PDX1: variants seen among roughly 807,000 people sequenced by gnomAD.
The protein encoded by PDX1 is pancreatic and duodenal homeobox 1.
In PDX1, 7 loss-of-function variants were observed where a neutral mutation model predicts 11.1. The ratio of observed to expected loss-of-function variants is 0.63; its 90% CI spans 0.36 to 1.19. The LOEUF (loss-of-function observed/expected upper bound fraction) is 1.19. PDX1 is among the 50% of genes most tolerant of loss of function. The pLI, the probability that PDX1 is intolerant of heterozygous loss-of-function variation, is 0.02. For synonymous variants in PDX1, 232 were observed against 196.2 expected, an observed-to-expected ratio of 1.18 and a Z score of -1.53; for missense variants, 449 against 412.1, an observed-to-expected ratio of 1.09 and a Z score of -0.78.
At chr13:27,921,491 T>C (rs1957787136) in intron 1 of PDX1, among the ~76,000 whole-genome samples, 1 of 152,266 alleles carries the variant, frequency 6.6e-6, no homozygotes, top group African/African-American at 2.4e-5. Flanking sequence ...CTACTCACTG[T>C]CATCGCTGCC....
At position 27,920,378 on chromosome 13, in the gene PDX1, G is replaced by A; in HGVS notation, c.240G>A (p.Ala80=). The change falls in exon 1 of 2, where the codon GCG becomes GCA. Residue 80 remains alanine (A), a synonymous_variant. Coordinates refer to ENST00000381033, the MANE Select transcript of PDX1 (RefSeq NM_000209.4). The part of the protein sequence containing the change: ...VPPLADDPAV[A]HLHHHLPAQL... ...CCCTCGCCGACGACCCCGCGGTGGCGCACCTTCACCACCACCTCCCGGCTC... is the reference window on the plus strand; with the variant it reads ...CCCTCGCCGACGACCCCGCGGTGGCACACCTTCACCACCACCTCCCGGCTC... 6.5e-7 allele frequency: 1 copy of A among 1,547,206 alleles called. No individual in the cohort carries two copies. Among genetic ancestry groups the A allele is most frequent in the Admixed American group, 2.0e-5 (1 of 50,950 alleles).
chr13:27,921,961 C>T (rs1174312802), intron 1 of PDX1, among the ~76,000 whole-genome samples: 1 of 152,190 alleles, frequency 6.6e-6, no homozygotes. Flanking sequence ...GACAGTCCCT[C>T]GAACAAAGGT....
At position 27,924,810 on chromosome 13, in the gene PDX1, C is replaced by G. The variant is rs1335273869; in HGVS notation, c.*109C>G. On this transcript the variant is annotated 3_prime_UTR_variant, in exon 2 of 2. Transcript: ENST00000381033. The surrounding 1 kb of genome is among the most constrained non-coding windows in gnomAD (Gnocchi z 4.8). Reference sequence around the variant, plus strand: ...CACCCGCCCTGGCAGTTGAATGGGGCGGCAATTGCGGGGCCCACCTTAGAC... The same window carrying G: ...CACCCGCCCTGGCAGTTGAATGGGGGGGCAATTGCGGGGCCCACCTTAGAC... 1.1e-5 allele frequency: 10 copies of G among 895,838 alleles called. No individual in the cohort carries two copies. Among genetic ancestry groups the G allele is most frequent in the Non-Finnish European group, 1.5e-5 (10 of 664,118 alleles). 55.5% of individuals were successfully genotyped at this position (895,838 alleles called of 1,614,324 possible).
chr13:27,924,972 G>A lies in PDX1; in HGVS notation c.*271G>A, dbSNP rs1210390589. 5.1e-6 allele frequency: 2 copies of A among 390,690 alleles called. No individual in the cohort carries two copies. The highest frequency in any genetic ancestry group is 8.9e-6 in the Non-Finnish European group (2 of 223,522). The allele number at this position is 390,690 out of a possible 1,614,324, so 24.2% of individuals were successfully genotyped here. A position where few individuals can be genotyped will look rare whatever the true frequency, so the allele number is the denominator to read the frequency against. On this transcript the variant is annotated 3_prime_UTR_variant, in exon 2 of 2. Transcript: ENST00000381033. The surrounding 1 kb of genome is among the most constrained non-coding windows in gnomAD (Gnocchi z 4.8). ...CCTCTTTTAGTGATACTGGATTGGC[G>A]TTGTTTGTGGCTGTTGCGCACATCC...
chr13:27,923,556 G>C (rs1158222803), intron 1 of PDX1, among the ~76,000 whole-genome samples: 2 of 152,226 alleles, frequency 1.3e-5, no homozygotes, highest in African/African-American at 4.8e-5. Context: ...TAACTATAGA[G>C]AGAGGAAACA....
In PDX1 at chr13:27,926,159, G is replaced by C. The variant is rs970668964; in HGVS notation, c.*1458G>C. 6.6e-6 allele frequency: 1 copy of C among 152,160 alleles called. No individual in the cohort carries two copies. The highest frequency in any genetic ancestry group is 2.4e-5 in the African/African-American group (1 of 41,424). 9.4% of individuals were successfully genotyped at this position (152,160 alleles called of 1,614,324 possible). ...AGGTCTGTCTTCTTTTCAAGGTCTG[G>C]GCCTTGTGCTCGGGTTATGTTTGTG... On this transcript the variant is annotated 3_prime_UTR_variant, in exon 2 of 2. Coordinates refer to ENST00000381033, the MANE Select transcript of PDX1 (RefSeq NM_000209.4).
At chr13:27,921,378 G>A (rs12869448) in intron 1 of PDX1, among the ~76,000 whole-genome samples, 1 of 152,260 alleles carries the variant, frequency 6.6e-6, no homozygotes, top group Non-Finnish European at 1.5e-5. Flanking sequence ...GCAGAGAACA[G>A]AAGGTCTTTC....
chr13:27,924,302 G>A lies in PDX1; in HGVS notation c.453G>A (p.Thr151=), dbSNP rs1282150897. 1.1e-5 allele frequency: 17 copies of A among 1,610,618 alleles called. No individual in the cohort carries two copies. Among genetic ancestry groups the A allele is most frequent in the African/African-American group, 1.3e-5 (1 of 74,938 alleles). The change falls in exon 2 of 2, where the codon ACG becomes ACA. Residue 151 remains threonine, a synonymous_variant. Transcript: ENST00000381033. This position sits in a 1 kb window ranked among gnomAD's most constrained non-coding sequence, Gnocchi z 4.8. ...AEPEENKRTR[T]AYTRAQLLEL... ...CGGAGGAGAACAAGCGGACGCGCAC[G>A]GCCTACACGCGCGCACAGCTGCTAG... is the stretch of plus-strand genomic sequence containing the variant.
Position 27,924,884 on chromosome 13 carries a change from G to A in PDX1, c.*183G>A. 1 of 476,808 alleles carries A rather than the reference G, an allele frequency of 2.1e-6. No homozygotes were observed. Among genetic ancestry groups the A allele is most frequent in the African/African-American group, 2.0e-5 (1 of 49,238 alleles). 29.5% of individuals were successfully genotyped at this position (476,808 alleles called of 1,614,324 possible). On this transcript the variant is annotated 3_prime_UTR_variant, in exon 2 of 2. Coordinates refer to ENST00000381033, the MANE Select transcript of PDX1 (RefSeq NM_000209.4). This position sits in a 1 kb window ranked among gnomAD's most constrained non-coding sequence, Gnocchi z 4.8. ...AGGCGCATGTGCCAGTTGGGGCCCC[G>A]CGGGTAGATGCCGGCAGGCCTTCCG...
At chr13:27,922,322 T>C (rs1438846496) in intron 1 of PDX1, among the ~76,000 whole-genome samples, 1 of 152,030 alleles carries the variant, frequency 6.6e-6, no homozygotes, top group Non-Finnish European at 1.5e-5. Flanking sequence ...TCTAACCCGC[T>C]GCATGCTCGA....
At chr13:27,921,459 G>C (rs1957786787) in intron 1 of PDX1, among the ~76,000 whole-genome samples, 1 of 152,244 alleles carries the variant, frequency 6.6e-6, no homozygotes, top group African/African-American at 2.4e-5. Flanking sequence ...GGCAAGTTCC[G>C]GCGCGGCCTG....
chr13:27,922,105 T>G (rs1767690731), intron 1 of PDX1, among the ~76,000 whole-genome samples: 1 of 152,138 alleles, frequency 6.6e-6, no homozygotes, highest in African/African-American at 2.4e-5. Context: ...GACATCAGGG[T>G]CCCGAAAGAG....
chr13:27,923,861 G>A (rs983272480), intron 1 of PDX1, among the ~76,000 whole-genome samples: 2 of 151,974 alleles, frequency 1.3e-5, no homozygotes, highest in African/African-American at 4.8e-5. Context: ...GTTTTTTTTA[G>A]CCCTGGATTA....
At position 27,924,040 on chromosome 13, in the gene PDX1, T is replaced by C. The variant is rs562989943; in HGVS notation, c.407-216T>C. 1.3e-5 allele frequency among the ~76,000 whole-genome samples: 2 copies of C among 152,338 alleles called. No individual in the cohort carries two copies. Among genetic ancestry groups the C allele is most frequent in the South Asian group, 4.1e-4 (2 of 4,826 alleles). On this transcript the variant is annotated intron_variant, in intron 1 of 1. Coordinates refer to ENST00000381033, the MANE Select transcript of PDX1 (RefSeq NM_000209.4). This position sits in a 1 kb window ranked among gnomAD's most constrained non-coding sequence, Gnocchi z 4.8. The stretch of plus-strand genomic sequence containing the variant: ...GAGCTGACTCGAGTTTGGTCTCCAA[T>C]AAAAAGGCTATCTTTATTAGGAAGG...
Position 27,924,090 on chromosome 13 carries a change from C to T in PDX1, c.407-166C>T, listed in dbSNP as rs545646283. 6.6e-6 allele frequency among the ~76,000 whole-genome samples: 1 copy of T among 152,342 alleles called. No individual in the cohort carries two copies. The highest frequency in any genetic ancestry group is 2.1e-4 in the South Asian group (1 of 4,834). On this transcript the variant is annotated intron_variant, in intron 1 of 1. Coordinates refer to ENST00000381033, the MANE Select transcript of PDX1 (RefSeq NM_000209.4). The surrounding 1 kb of genome is among the most constrained non-coding windows in gnomAD (Gnocchi z 4.8). ...GGCTTGAGTTACTAGGGAAGAGCTT[C>T]GCGCGCCTACACTAGGCGCTGAAAT...
Position 27,924,573 on chromosome 13 carries a change from C to A in PDX1, c.724C>A (p.Pro242Thr), listed in dbSNP as rs752553392. 1 of 1,509,358 alleles carries A rather than the reference C, an allele frequency of 6.6e-7. No homozygotes were observed. Among genetic ancestry groups the A allele is most frequent in the Non-Finnish European group, 8.8e-7 (1 of 1,133,902 alleles). 93.5% of individuals were successfully genotyped at this position (1,509,358 alleles called of 1,614,324 possible). The change falls in exon 2 of 2, where the codon CCG (proline) becomes ACG (threonine). Residue 242 changes from proline (P) to threonine (T), a missense_variant. This residue lies in a region of PDX1 where 139 missense variants were observed against 121.4 expected (regional missense o/e 1.14). Coordinates refer to ENST00000381033, the MANE Select transcript of PDX1 (RefSeq NM_000209.4). The surrounding 1 kb of genome is among the most constrained non-coding windows in gnomAD (Gnocchi z 4.8). ...GEELLALPPP[P>T]PPGGAVPPAA... ...GGAGCTTCTGGCGCTGCCGCCGCCG[C>A]CGCCCCCCGGAGGTGCTGTGCCGCC...
In PDX1 at chr13:27,924,257, C is replaced by T. The variant is rs1247879678; in HGVS notation, c.408C>T (p.Gly136=). Residue 136 remains glycine (G), a splice_region_variant and synonymous_variant, in exon 2 of 2, where the codon GGC becomes GGT. Transcript: ENST00000381033. This position sits in a 1 kb window ranked among gnomAD's most constrained non-coding sequence, Gnocchi z 4.8. ...KAHAWKGQWA[G]GAYAAEPEEN... The stretch of plus-strand genomic sequence containing the variant: ...ACTCACGCCCTGTGTCGCCCGCAGG[C>T]GGCGCCTACGCTGCGGAGCCGGAGG... 3.8e-6 allele frequency: 6 copies of T among 1,595,102 alleles called. No homozygotes were observed. Among genetic ancestry groups the T allele is most frequent in the Non-Finnish European group, 4.3e-6 (5 of 1,170,902 alleles).
At position 27,924,974 on chromosome 13, in the gene PDX1, T is replaced by C. The variant is rs981065139; in HGVS notation, c.*273T>C. The C allele has an allele frequency of 1.3e-5, 5 of 385,834 alleles. No homozygotes were observed. The highest frequency in any genetic ancestry group is 2.3e-5 in the Non-Finnish European group (5 of 220,380). The allele number at this position is 385,834 out of a possible 1,614,324, so 23.9% of individuals were successfully genotyped here. The stretch of plus-strand genomic sequence containing the variant: ...TCTTTTAGTGATACTGGATTGGCGT[T>C]GTTTGTGGCTGTTGCGCACATCCCT... On this transcript the variant is annotated 3_prime_UTR_variant, in exon 2 of 2. Coordinates refer to ENST00000381033, the MANE Select transcript of PDX1 (RefSeq NM_000209.4). This position sits in a 1 kb window ranked among gnomAD's most constrained non-coding sequence, Gnocchi z 4.8.
rs779269166 is a variant in PDX1, at chr13:27,920,322, C to A, written c.184C>A (p.Pro62Thr). ...CCTGGGCGCGCTGGAGCAGGGCAGC[C>A]CCCCGGACATCTCCCCGTACGAGGT... ...GALGALEQGSPPDISPYEVPP... is the reference protein window; with the variant it reads ...GALGALEQGSTPDISPYEVPP... Residue 62 changes from proline to threonine, a missense_variant, in exon 1 of 2, where the codon CCC becomes ACC. Coordinates refer to ENST00000381033, the MANE Select transcript of PDX1 (RefSeq NM_000209.4). 1 of 1,541,914 alleles carries A rather than the reference C, an allele frequency of 6.5e-7. No homozygotes were observed. Among genetic ancestry groups the A allele is most frequent in the Non-Finnish European group, 8.8e-7 (1 of 1,142,388 alleles).
Sources: allele counts gnomAD v4.1 joint callset (sites outside exome capture counted in the v4.1 genomes callset), GRCh38; gene constraint gnomAD v4.1.1; regional missense constraint gnomAD v4.1.1; non-coding constraint Gnocchi (gnomAD v3.1); transcripts MANE v1.5; gene names NCBI Gene and HGNC (gene_info 2026-07-23, HGNC 2026-07-21).